AFAP1L1: variants seen among roughly 807,000 people sequenced by gnomAD.
AFAP1L1 encodes the protein actin filament-associated protein 1-like 1.
AFAP1L1 carries 77 observed loss-of-function variants against 99.8 expected under a neutral mutation model. The ratio of observed to expected loss-of-function variants is 0.77; its 90% confidence interval spans 0.64 to 0.93. The LOEUF (loss-of-function observed/expected upper bound fraction) is 0.93, where lower values mean the gene tolerates loss of function less well. Ranked by LOEUF, AFAP1L1 falls within the 40% of genes least tolerant of loss-of-function variation. The pLI is 0.00. For synonymous variants in AFAP1L1, 373 were observed against 395.3 expected (o/e 0.94, Z 0.67); for missense variants, 893 against 996.8 (o/e 0.90, Z 1.40).
At chr5:149,281,354 ACT>A (rs1755514940) in intron 1 of AFAP1L1, among the ~76,000 whole-genome samples, 1 of 151,856 alleles carries the variant, frequency 6.6e-6, no homozygotes, top group South Asian at 2.1e-4. Context: ...CAAACAGATG[ACT>A]CTGCTCTTCC....
chr5:149,276,998 A>G (rs551214912), intron 1 of AFAP1L1, among the ~76,000 whole-genome samples: 1 of 152,218 alleles, frequency 6.6e-6, no homozygotes, highest in African/African-American at 2.4e-5. Flanking sequence ...TGGCTATGTC[A>G]TCACAGTTTT....
Position 149,302,512 on chromosome 5 carries a change from A to G in AFAP1L1, c.422A>G (p.Tyr141Cys). 6.3e-7 allele frequency: 1 copy of G among 1,583,272 alleles called. No individual in the cohort carries two copies. Among genetic ancestry groups the G allele is most frequent in the South Asian group, 1.2e-5 (1 of 86,328 alleles). The change falls in exon 5 of 19, where the codon TAC becomes TGC. Residue 141 changes from tyrosine to cysteine, a missense_variant. Tyr to Cys is a radical substitution (Grantham distance 194, BLOSUM62 -2). Transcript: ENST00000296721. ...LPLGPGKSPE[Y>C]ISSHNGCSPS... ...CTGGGACCCGGCAAGTCGCCTGAGTACATCAGCTCCCACAGTAAGTTCTGG... is the reference window on the plus strand; with the variant it reads ...CTGGGACCCGGCAAGTCGCCTGAGTGCATCAGCTCCCACAGTAAGTTCTGG...
At chr5:149,281,480 C>T (rs537257328) in intron 1 of AFAP1L1, among the ~76,000 whole-genome samples, 1 of 152,304 alleles carries the variant, frequency 6.6e-6, no homozygotes, top group Non-Finnish European at 1.5e-5. Context: ...AAGTTTTCAC[C>T]ACACTTGTTG....
chr5:149,313,027 T>A (rs888598842), intron 9 of AFAP1L1, among the ~76,000 whole-genome samples: 1 of 150,622 alleles, frequency 6.6e-6, no homozygotes, highest in African/African-American at 2.5e-5. Context: ...CTCAGGAGGC[T>A]GAGGGAGGAG....
At chr5:149,285,252 T>C (rs1370662668) in intron 1 of AFAP1L1, among the ~76,000 whole-genome samples, 1 of 152,164 alleles carries the variant, frequency 6.6e-6, no homozygotes, top group Non-Finnish European at 1.5e-5. Context: ...AGTGGCCATC[T>C]GAGCTCAGCT....
At chr5:149,289,917 G>A (rs2127591498) in intron 1 of AFAP1L1, among the ~76,000 whole-genome samples, 1 of 152,296 alleles carries the variant, frequency 6.6e-6, no homozygotes, top group South Asian at 2.1e-4. Flanking sequence ...TGTGTAAGTG[G>A]GGGTAATCCA....
chr5:149,272,021 C>A, intron 1 of AFAP1L1, 37 bp downstream of exon 1: 1 of 1,239,324 alleles, frequency 8.1e-7, no homozygotes. Flanking sequence ...TGTTGCGGCG[C>A]CGGGCGGGAA....
At chr5:149,291,260 G>A (rs868333357) in intron 1 of AFAP1L1, among the ~76,000 whole-genome samples, 20 of 152,086 alleles carry the variant, frequency 1.3e-4, no homozygotes, top group African/African-American at 4.8e-4. Context: ...CCTACAGGGT[G>A]CCTCACGCCT....
intron 1 of AFAP1L1, among the ~76,000 whole-genome samples, chr5:149,282,055 G>C (rs1442373080): frequency 6.6e-6 from 1 of 152,088 alleles, no homozygotes; most frequent in Non-Finnish European, 1.5e-5. Context: ...GCCCGGCCGG[G>C]GTCTATCCTC....
At chr5:149,292,344 A>C (rs990916978) in intron 1 of AFAP1L1, among the ~76,000 whole-genome samples, 1 of 152,350 alleles carries the variant, frequency 6.6e-6, no homozygotes, top group East Asian at 1.9e-4. Flanking sequence ...CTCAGGCTGC[A>C]TCAGGGATGT....
At chr5:149,300,601 C>T (rs572351672) in intron 3 of AFAP1L1, among the ~76,000 whole-genome samples, 2 of 152,340 alleles carry the variant, frequency 1.3e-5, no homozygotes, top group East Asian at 1.9e-4. Flanking sequence ...AGGCATGGCA[C>T]ATTAGGGTGT....
At chr5:149,284,408 G>A (rs1384143953) in intron 1 of AFAP1L1, among the ~76,000 whole-genome samples, 1 of 152,184 alleles carries the variant, frequency 6.6e-6, no homozygotes. Context: ...GGAGATAACA[G>A]TCTCCTATCT....
Position 149,340,204 on chromosome 5 carries a change from C to T in AFAP1L1, c.*174C>T, listed in dbSNP as rs547450531. ...GATTTTAGGGGATATGGGGAGGGAA[C>T]AAGTAGAAGGGAAGAGGGAAATGGA... On this transcript the variant is annotated 3_prime_UTR_variant, in exon 19 of 19. Coordinates refer to ENST00000296721, the MANE Select transcript of AFAP1L1 (RefSeq NM_152406.4). The T allele has an allele frequency of 6.2e-6, 4 of 641,644 alleles. No homozygotes were observed. In the East Asian group the frequency reaches 8.3e-5, roughly 13 times the overall value. 39.7% of individuals were successfully genotyped at this position (641,644 alleles called of 1,614,324 possible).
intron 16 of AFAP1L1, among the ~76,000 whole-genome samples, chr5:149,331,621 A>G (rs1210475796): frequency 5.3e-5 from 8 of 151,920 alleles, no homozygotes; most frequent in Admixed American, 2.6e-4. Context: ...CTCCGTCTCA[A>G]GAAAAAAAAA....
Position 149,300,281 on chromosome 5 carries a change from C to T in AFAP1L1, c.156C>T (p.Val52=). Residue 52 remains valine (V), a synonymous_variant, in exon 3 of 19, where the codon GTC becomes GTT. Coordinates refer to ENST00000296721, the MANE Select transcript of AFAP1L1 (RefSeq NM_152406.4). ...QSLQPLPAKE[V]SYLYVNTADL... Reference sequence around the variant, plus strand: ...CCTTCTTCCTCACAGCAAAGGAGGTCTCCTACCTGTATGTGAACACAGCAG... The same window carrying T: ...CCTTCTTCCTCACAGCAAAGGAGGTTTCCTACCTGTATGTGAACACAGCAG... 6.2e-7 allele frequency: 1 copy of T among 1,613,008 alleles called. No individual in the cohort carries two copies. Among genetic ancestry groups the T allele is most frequent in the South Asian group, 1.1e-5 (1 of 90,708 alleles).
chr5:149,291,511 C>T (rs989849906), intron 1 of AFAP1L1, among the ~76,000 whole-genome samples: 17 of 107,424 alleles, frequency 1.6e-4, no homozygotes, highest in African/African-American at 5.3e-4. Context: ...GACAACAGAG[C>T]GTGACTCCGT....
chr5:149,336,291 T>G (rs1561688324), intron 18 of AFAP1L1, among the ~76,000 whole-genome samples: 1 of 152,248 alleles, frequency 6.6e-6, no homozygotes, highest in Non-Finnish European at 1.5e-5. Flanking sequence ...CATAGGAATA[T>G]ATATAGCACA....
At chr5:149,298,030 C>G (rs1008867970) in intron 1 of AFAP1L1, among the ~76,000 whole-genome samples, 10 of 152,218 alleles carry the variant, frequency 6.6e-5, no homozygotes, top group African/African-American at 1.7e-4. Context: ...CTGAGGAACC[C>G]ATAGGGTAAG....
chr5:149,287,673 C>G (rs1431989041), intron 1 of AFAP1L1, among the ~76,000 whole-genome samples: 1 of 151,824 alleles, frequency 6.6e-6, no homozygotes, highest in Admixed American at 6.6e-5. Flanking sequence ...GCCTCCACCT[C>G]CTGGGTTCAA....
Sources: gnomAD v4.1 joint callset for allele counts (sites outside exome capture counted in the v4.1 genomes callset) on GRCh38, gnomAD v4.1.1 for gene constraint, MANE v1.5 for transcripts, NCBI Gene and HGNC (gene_info 2026-07-23, HGNC 2026-07-21) for gene names.